The following CFAP299 variants were observed in gnomAD, a reference collection of about 807,000 sequenced individuals.
The protein encoded by CFAP299 is cilia and flagella associated protein 299.
In CFAP299, 21 loss-of-function variants were observed where a neutral mutation model predicts 27.0. The observed-to-expected ratio is 0.78, with a 90% CI of 0.55 to 1.12. The LOEUF (loss-of-function observed/expected upper bound fraction) is 1.12, where lower values mean the gene tolerates loss of function less well. Among genes scored for constraint, CFAP299 ranks in the 50% most tolerant of loss-of-function variants. CFAP299 has a pLI of 0.00. For synonymous variants in CFAP299, 104 were observed against 98.1 expected, an observed-to-expected ratio of 1.06 and a Z score of -0.36; for missense variants, 310 against 276.6, an observed-to-expected ratio of 1.12 and a Z score of -0.86.
At chr4:80,360,080 G>A (rs971177854) in intron 1 of CFAP299, among the ~76,000 whole-genome samples, 1 of 152,186 alleles carries the variant, frequency 6.6e-6, no homozygotes, top group African/African-American at 2.4e-5. Flanking sequence ...TCATTTCTGG[G>A]AGATTTTAGG....
chr4:80,778,683 C>T (rs1032973985), intron 3 of CFAP299, among the ~76,000 whole-genome samples: 2 of 152,084 alleles, frequency 1.3e-5, no homozygotes, highest in African/African-American at 4.8e-5. Context: ...ATTTCTTCCA[C>T]AGATTTATAA....
chr4:80,827,990 G>T (rs1233206930), intron 3 of CFAP299, among the ~76,000 whole-genome samples: 1 of 151,982 alleles, frequency 6.6e-6, no homozygotes, highest in Non-Finnish European at 1.5e-5. Flanking sequence ...ATTAACCACA[G>T]TGGTTAACAA....
chr4:80,709,133 A>T (rs1448228068), intron 3 of CFAP299, among the ~76,000 whole-genome samples: 1 of 152,222 alleles, frequency 6.6e-6, no homozygotes, highest in Non-Finnish European at 1.5e-5. Context: ...ATATTTCTAT[A>T]GTGAAAACCC....
intron 3 of CFAP299, among the ~76,000 whole-genome samples, chr4:80,600,504 C>A (rs762253455): frequency 6.6e-5 from 10 of 152,086 alleles, no homozygotes; most frequent in Non-Finnish European, 1.2e-4. Flanking sequence ...AAATATAATA[C>A]AGATTGGACT....
intron 2 of CFAP299, among the ~76,000 whole-genome samples, chr4:80,445,059 C>T (rs11099236): frequency 0.19 from 29,273 of 152,026 alleles, 2,984 homozygotes; most frequent in South Asian, 0.29. Flanking sequence ...AATAGGAACA[C>T]TTTTATATTG....
intron 3 of CFAP299, among the ~76,000 whole-genome samples, chr4:80,817,896 A>G (rs2110121809): frequency 6.6e-6 from 1 of 151,842 alleles, no homozygotes; most frequent in South Asian, 2.1e-4. Flanking sequence ...TTTGTTACAT[A>G]GGTAAACTTG....
chr4:80,347,003 G>C (rs1396016972), intron 1 of CFAP299, among the ~76,000 whole-genome samples: 1 of 151,784 alleles, frequency 6.6e-6, no homozygotes, highest in Admixed American at 6.6e-5. Context: ...CTTTTAAGTT[G>C]CATTCCTAGG....
intron 2 of CFAP299, among the ~76,000 whole-genome samples, chr4:80,522,197 T>C (rs1273326654): frequency 6.6e-6 from 1 of 152,058 alleles, no homozygotes; most frequent in African/African-American, 2.4e-5. Context: ...AGGGCCATTC[T>C]AACAGATATG....
chr4:80,817,470 A>G (rs1404178545), intron 3 of CFAP299, among the ~76,000 whole-genome samples: 2 of 152,122 alleles, frequency 1.3e-5, no homozygotes, highest in Non-Finnish European at 2.9e-5. Flanking sequence ...GTGGTCTTCT[A>G]GGCCCCAAAA....
At chr4:80,863,129 CTTTG>C (rs1732485611) in intron 3 of CFAP299, among the ~76,000 whole-genome samples, 1 of 151,220 alleles carries the variant, frequency 6.6e-6, no homozygotes, top group Non-Finnish European at 1.5e-5. Context: ...AAGAACTTAG[CTTTG>C]TTTGACAGCT....
At chr4:80,763,032 T>C (rs1283228812) in intron 3 of CFAP299, among the ~76,000 whole-genome samples, 3 of 152,190 alleles carry the variant, frequency 2.0e-5, no homozygotes, top group Admixed American at 2.0e-4. Context: ...TTTTTCTCTA[T>C]CTGTTTTCCA....
intron 2 of CFAP299, among the ~76,000 whole-genome samples, chr4:80,466,358 A>T (rs1729697592): frequency 6.6e-6 from 1 of 152,218 alleles, no homozygotes; most frequent in Non-Finnish European, 1.5e-5. Flanking sequence ...TAACCCAAAG[A>T]ACTGATTATT....
At chr4:80,871,701 G>A (rs1733106662) in intron 4 of CFAP299, 1 of 904,696 alleles carries the variant, frequency 1.1e-6, no homozygotes. Flanking sequence ...TTTTGTTAAA[G>A]CAAATTTAAG....
chr4:80,899,787 C>T (rs915690493), intron 4 of CFAP299, among the ~76,000 whole-genome samples: 1 of 152,128 alleles, frequency 6.6e-6, no homozygotes, highest in African/African-American at 2.4e-5. Flanking sequence ...GGGCAAGTTA[C>T]CTGGCTTACT....
chr4:80,362,706 T>G, intron 1 of CFAP299, 48 bp from the exon 2 acceptor site: 1 of 1,544,248 alleles, frequency 6.5e-7, no homozygotes. Context: ...TAAGTAAAAA[T>G]AGTATGTCTC....
intron 2 of CFAP299, chr4:80,387,065 G>T: frequency 7.0e-7 from 1 of 1,429,034 alleles, no homozygotes. Context: ...GTGGGCAGGG[G>T]AAGTTGTGAG....
At chr4:80,384,220 T>C (rs2110023133) in intron 2 of CFAP299, among the ~76,000 whole-genome samples, 1 of 152,276 alleles carries the variant, frequency 6.6e-6, no homozygotes, top group Non-Finnish European at 1.5e-5. Flanking sequence ...ATTACTCATA[T>C]TTTCTACTAA....
At chr4:80,786,198 A>G (rs997135490) in intron 3 of CFAP299, among the ~76,000 whole-genome samples, 7 of 152,100 alleles carry the variant, frequency 4.6e-5, no homozygotes, top group African/African-American at 1.7e-4. Context: ...TTGCAGAAAG[A>G]ACTAGTATTC....
intron 2 of CFAP299, among the ~76,000 whole-genome samples, chr4:80,490,873 T>C (rs1488325670): frequency 1.3e-5 from 2 of 152,122 alleles, no homozygotes; most frequent in Non-Finnish European, 2.9e-5. Context: ...AATTCACCTA[T>C]TACTTTTTAT....
Sources: allele counts gnomAD v4.1 joint callset (sites outside exome capture counted in the v4.1 genomes callset), GRCh38; gene constraint gnomAD v4.1.1; transcripts MANE v1.5; gene names NCBI Gene and HGNC (gene_info 2026-07-23, HGNC 2026-07-21).